TFCP2: variants seen among roughly 807,000 people sequenced by gnomAD.
The protein encoded by TFCP2 is alpha-globin transcription factor CP2.
A neutral mutation model predicts 73.4 loss-of-function variants in TFCP2; 33 were observed. The observed-to-expected ratio is 0.45, with a 90% confidence interval of 0.34 to 0.60. The LOEUF (loss-of-function observed/expected upper bound fraction) is 0.60. Ranked by LOEUF, TFCP2 falls within the 20% of genes least tolerant of loss-of-function variation. TFCP2 has a pLI of 0.01. For synonymous variants in TFCP2, 193 were observed against 211.6 expected, an observed-to-expected ratio of 0.91 and a Z score of 0.76; for missense variants, 352 against 604.0, an observed-to-expected ratio of 0.58 and a Z score of 4.37.
At chr12:51,106,670 C>A (rs1940253859) in intron 7 of TFCP2, 57 bp from the exon 8 acceptor site, 1 of 1,380,030 alleles carries the variant, frequency 7.2e-7, no homozygotes, top group Non-Finnish European at 1.0e-6. Flanking sequence ...CAGGATTTGA[C>A]TAAAACATTG....
At chr12:51,120,217 C>CAAA (rs1287295156) in intron 1 of TFCP2, among the ~76,000 whole-genome samples, 21 of 140,158 alleles carry the variant, frequency 1.5e-4, no homozygotes, top group Non-Finnish European at 2.1e-4. Flanking sequence ...ACAACAACAA[C>CAAA]AAAAAAATAA....
At chr12:51,115,583 C>G (rs1026936888) in intron 4 of TFCP2, among the ~76,000 whole-genome samples, 5 of 152,162 alleles carry the variant, frequency 3.3e-5, no homozygotes, top group African/African-American at 1.2e-4. Context: ...GAGACTCAAA[C>G]ACATATTTGT....
Position 51,106,538 on chromosome 12 carries a change from A to G in TFCP2, c.904T>C (p.Ser302Pro). The G allele has an allele frequency of 6.2e-7, 1 of 1,612,502 alleles. No individual in the cohort carries two copies. The highest frequency in any genetic ancestry group is 2.2e-5 in the East Asian group (1 of 44,846). The change falls in exon 8 of 15, where the codon TCT becomes CCT. Residue 302 changes from serine (S) to proline (P), a missense_variant. Physicochemically the swap from Ser to Pro is moderately conservative, Grantham distance 74. Around this residue, in one of 6 missense-constraint regions of TFCP2, gnomAD observed 194 missense variants for 256.3 expected, o/e 0.76. Transcript: ENST00000257915. ...PGFNSSHSSFSLGEGNGSPNH... is the reference protein window; with the variant it reads ...PGFNSSHSSFPLGEGNGSPNH... Reference sequence around the variant, plus strand: ...TCCCAGACTTACCCTTCCCCAAGAGAAAAACTGCTATGGGAACTGTTGAAG... The same window carrying G: ...TCCCAGACTTACCCTTCCCCAAGAGGAAAACTGCTATGGGAACTGTTGAAG...
intron 1 of TFCP2, among the ~76,000 whole-genome samples, chr12:51,169,547 C>G (rs1266187148): frequency 1.3e-5 from 2 of 150,718 alleles, no homozygotes; most frequent in African/African-American, 4.9e-5. Context: ...GTACCTAACA[C>G]ATGAAAAAAA....
intron 1 of TFCP2, among the ~76,000 whole-genome samples, chr12:51,138,390 T>G (rs1369918048): frequency 6.6e-6 from 1 of 152,158 alleles, no homozygotes; most frequent in African/African-American, 2.4e-5. Flanking sequence ...CTCCTGGCCT[T>G]AAGTGATCCA....
intron 1 of TFCP2, among the ~76,000 whole-genome samples, chr12:51,145,099 G>T (rs1941265300): frequency 6.6e-6 from 1 of 151,830 alleles, no homozygotes; most frequent in African/African-American, 2.4e-5. Flanking sequence ...TACTTGGGAG[G>T]CTGAGGCAGG....
At chr12:51,124,790 C>A in intron 1 of TFCP2, 1 of 852,370 alleles carries the variant, frequency 1.2e-6, no homozygotes, top group Non-Finnish European at 2.0e-6. Context: ...GCTGCTCAGC[C>A]TTTTTCTGCT....
At chr12:51,129,993 A>T (rs1338308487) in intron 1 of TFCP2, among the ~76,000 whole-genome samples, 1 of 143,404 alleles carries the variant, frequency 7.0e-6, no homozygotes, top group East Asian at 2.1e-4. Context: ...ACAAAAAAAA[A>T]TTGTTAAATT....
At position 51,096,060 on chromosome 12, in the gene TFCP2, T is replaced by G; in HGVS notation, c.1420-20A>C. On this transcript the variant is annotated intron_variant, in intron 13 of 14. Transcript: ENST00000257915. ...TATCATCTGAAAAATGCAAGAAAAT[T>G]TGTGATTATTTAAATGAAAAACAAC... 1 of 1,608,156 alleles carries G rather than the reference T, an allele frequency of 6.2e-7. No homozygotes were observed. The highest frequency in any genetic ancestry group is 8.5e-7 in the Non-Finnish European group (1 of 1,175,394).
chr12:51,150,940 T>C (rs1941409097), intron 1 of TFCP2, among the ~76,000 whole-genome samples: 1 of 151,620 alleles, frequency 6.6e-6, no homozygotes, highest in Non-Finnish European at 1.5e-5. Flanking sequence ...AGCCAACAAA[T>C]GAATTACACA....
At chr12:51,125,973 G>A (rs947950066) in intron 1 of TFCP2, among the ~76,000 whole-genome samples, 7 of 152,138 alleles carry the variant, frequency 4.6e-5, no homozygotes, top group African/African-American at 7.2e-5. Context: ...GCTCACGCCT[G>A]TAATCCCAGC....
At chr12:51,127,398 G>GAGACT (rs1479930331) in intron 1 of TFCP2, among the ~76,000 whole-genome samples, 1 of 152,188 alleles carries the variant, frequency 6.6e-6, no homozygotes. Flanking sequence ...CTTATCTAAA[G>GAGACT]AGACTAGCTG....
chr12:51,111,663 G>C (rs1360976298), intron 4 of TFCP2, among the ~76,000 whole-genome samples: 1 of 151,510 alleles, frequency 6.6e-6, no homozygotes, highest in Non-Finnish European at 1.5e-5. Flanking sequence ...AGACCAGCCT[G>C]ACCAACATGA....
At chr12:51,172,093 C>A (rs1308885241) in intron 1 of TFCP2, among the ~76,000 whole-genome samples, 1 of 152,212 alleles carries the variant, frequency 6.6e-6, no homozygotes, top group Non-Finnish European at 1.5e-5. Context: ...TCCACTGATT[C>A]TGCACAGGCT....
chr12:51,103,809 G>T, intron 9 of TFCP2, 46 bp from the exon 10 acceptor site: 1 of 1,491,398 alleles, frequency 6.7e-7, no homozygotes, highest in Non-Finnish European at 9.3e-7. Flanking sequence ...AGATTTGTCT[G>T]TTACCCCATT....
chr12:51,109,000 A>C (rs1248949441), intron 6 of TFCP2, 121 bp downstream of exon 6: 1 of 1,110,642 alleles, frequency 9.0e-7, no homozygotes, highest in African/African-American at 1.6e-5. Flanking sequence ...TCTAGCTTAG[A>C]CTTTTTGCGT....
intron 8 of TFCP2, among the ~76,000 whole-genome samples, chr12:51,105,459 A>G (rs1334889435): frequency 6.6e-6 from 1 of 152,210 alleles, no homozygotes; most frequent in African/African-American, 2.4e-5. Flanking sequence ...TTATGGAAGA[A>G]AAAGTTTAAC....
chr12:51,139,363 T>C (rs1257713047), intron 1 of TFCP2, among the ~76,000 whole-genome samples: 2 of 152,118 alleles, frequency 1.3e-5, no homozygotes, highest in African/African-American at 4.8e-5. Context: ...CCATCTCTCT[T>C]TTCCCTTTAT....
chr12:51,162,306 C>T (rs1941665855), intron 1 of TFCP2, among the ~76,000 whole-genome samples: 1 of 152,044 alleles, frequency 6.6e-6, no homozygotes, highest in Non-Finnish European at 1.5e-5. Flanking sequence ...ATTCGCCAGG[C>T]GTGGTAGCCC....
Sources: allele counts gnomAD v4.1 joint callset (sites outside exome capture counted in the v4.1 genomes callset), GRCh38; gene constraint gnomAD v4.1.1; regional missense constraint gnomAD v4.1.1; transcripts MANE v1.5; gene names NCBI Gene and HGNC (gene_info 2026-07-23, HGNC 2026-07-21).